The following SH3BGRL2 variants were observed in gnomAD, a reference collection of about 807,000 sequenced individuals.
SH3BGRL2 encodes SH3 domain binding glutamate rich protein like 2, also known as SH3 domain-binding glutamic acid-rich-like protein 2.
In SH3BGRL2, 21 loss-of-function variants were observed where a neutral mutation model predicts 14.8. The observed-to-expected ratio is 1.42, with a 90% CI of 1.01 to 2.05. SH3BGRL2 has a LOEUF of 2.05. Ranked by LOEUF, SH3BGRL2 falls within the 30% of genes most tolerant of loss-of-function variation. The pLI is 0.00. For missense variants in SH3BGRL2, 147 were observed against 130.8 expected (o/e 1.12, Z -0.61); for synonymous variants, 50 against 47.8 (o/e 1.05, Z -0.19).
intron 1 of SH3BGRL2, among the ~76,000 whole-genome samples, chr6:79,659,087 T>C (rs1769485947): frequency 6.6e-6 from 1 of 152,206 alleles, no homozygotes; most frequent in South Asian, 2.1e-4. Context: ...ATTCTATAAG[T>C]TTCCTGTTCA....
At chr6:79,573,795 T>G in the SH3BGRL2 span, 1 of 151,964 alleles carries the variant, frequency 6.6e-6, no homozygotes, top group Non-Finnish European at 1.5e-5. Flanking sequence ...TTGATTTTCA[T>G]ACATTTAAAC....
intron 1 of SH3BGRL2, among the ~76,000 whole-genome samples, chr6:79,635,331 G>A (rs925947408): frequency 1.3e-5 from 2 of 152,334 alleles, no homozygotes; most frequent in Admixed American, 6.5e-5. Flanking sequence ...AGATTAAGTG[G>A]CTTTTCCGGA....
chr6:79,631,030 C>A (rs142453614), upstream of SH3BGRL2, among the ~76,000 whole-genome samples: 1 of 152,214 alleles, frequency 6.6e-6, no homozygotes, highest in African/African-American at 2.4e-5. Context: ...AGAACCCAAG[C>A]TTGGACTTTG....
At chr6:79,586,589 C>T in the SH3BGRL2 span, among the ~76,000 whole-genome samples, 1 of 152,186 alleles carries the variant, frequency 6.6e-6, no homozygotes, top group Non-Finnish European at 1.5e-5. Context: ...ATGATTTCTA[C>T]ATCTACAGTG....
At chr6:79,623,518 T>A in the SH3BGRL2 span, among the ~76,000 whole-genome samples, 4 of 152,196 alleles carry the variant, frequency 2.6e-5, no homozygotes, top group African/African-American at 7.2e-5. Flanking sequence ...CCTTGAAAGC[T>A]GCTATTTAAA....
the SH3BGRL2 span, among the ~76,000 whole-genome samples, chr6:79,541,217 C>T: frequency 6.6e-6 from 1 of 152,076 alleles, no homozygotes; most frequent in Non-Finnish European, 1.5e-5. Flanking sequence ...CACACCACTG[C>T]ACTCCAGCCT....
chr6:79,579,873 A>G, the SH3BGRL2 span, among the ~76,000 whole-genome samples: 1 of 152,182 alleles, frequency 6.6e-6, no homozygotes, highest in Non-Finnish European at 1.5e-5. Flanking sequence ...TAGAGTCAAG[A>G]CTCATCAGTT....
chr6:79,666,536 C>A (rs1187514474), intron 1 of SH3BGRL2, among the ~76,000 whole-genome samples: 1 of 152,012 alleles, frequency 6.6e-6, no homozygotes, highest in Non-Finnish European at 1.5e-5. Context: ...AAAGAATTTG[C>A]CATGAAATTA....
chr6:79,598,401 C>T, the SH3BGRL2 span, among the ~76,000 whole-genome samples: 4 of 152,012 alleles, frequency 2.6e-5, no homozygotes, highest in African/African-American at 4.8e-5. Flanking sequence ...GAGGCATATC[C>T]GTACAATGGA....
chr6:79,560,576 A>G, the SH3BGRL2 span, among the ~76,000 whole-genome samples: 7 of 152,216 alleles, frequency 4.6e-5, no homozygotes, highest in Admixed American at 1.3e-4. Context: ...AGAAGGACCT[A>G]TAAGATTATG....
intron 1 of SH3BGRL2, among the ~76,000 whole-genome samples, chr6:79,667,334 G>T (rs1283447595): frequency 1.3e-5 from 2 of 152,142 alleles, no homozygotes; most frequent in Non-Finnish European, 2.9e-5. Context: ...TGCTGTGATT[G>T]GTCCAAGAGT....
chr6:79,669,660 G>T (rs1769732986), intron 1 of SH3BGRL2, among the ~76,000 whole-genome samples: 1 of 151,920 alleles, frequency 6.6e-6, no homozygotes, highest in Non-Finnish European at 1.5e-5. Context: ...GATCAGGCTG[G>T]TCTCAAACTC....
the SH3BGRL2 span, among the ~76,000 whole-genome samples, chr6:79,584,779 A>C: frequency 2.6e-5 from 4 of 152,142 alleles, no homozygotes; most frequent in Non-Finnish European, 4.4e-5. Flanking sequence ...TGTTGATGAG[A>C]GTGTGGGGAA....
At chr6:79,549,582 G>C in the SH3BGRL2 span, among the ~76,000 whole-genome samples, 17,873 of 152,168 alleles carry the variant, frequency 0.12, 1,929 homozygotes, top group East Asian at 0.59. Flanking sequence ...TGCTGTACAA[G>C]TTGGTAGCCT....
At chr6:79,615,317 G>A in the SH3BGRL2 span, among the ~76,000 whole-genome samples, 57 of 152,308 alleles carry the variant, frequency 3.7e-4, no homozygotes, top group Non-Finnish European at 2.9e-5. Context: ...AGCCTTGACT[G>A]AACTTCCAGG....
At chr6:79,601,418 A>G in the SH3BGRL2 span, among the ~76,000 whole-genome samples, 2 of 151,964 alleles carry the variant, frequency 1.3e-5, no homozygotes, top group Non-Finnish European at 2.9e-5. Flanking sequence ...CTGGTCTCCC[A>G]CTCCTGGGCT....
the SH3BGRL2 span, among the ~76,000 whole-genome samples, chr6:79,591,367 T>G: frequency 6.6e-6 from 1 of 152,198 alleles, no homozygotes; most frequent in Non-Finnish European, 1.5e-5. Context: ...TTTCCTATTC[T>G]TCTACCTTCT....
the SH3BGRL2 span, chr6:79,575,486 T>C: frequency 2.0e-5 from 3 of 152,170 alleles, no homozygotes; most frequent in Non-Finnish European, 2.9e-5. Context: ...TCTCATGTCA[T>C]ATAATGATGC....
the SH3BGRL2 span, among the ~76,000 whole-genome samples, chr6:79,579,945 G>A: frequency 6.6e-6 from 1 of 152,130 alleles, no homozygotes; most frequent in Non-Finnish European, 1.5e-5. Flanking sequence ...ATAAAGGGAT[G>A]GAGGAAGATC....
Sources: gnomAD v4.1 joint callset for allele counts (sites outside exome capture counted in the v4.1 genomes callset) on GRCh38, gnomAD v4.1.1 for gene constraint, MANE v1.5 for transcripts, NCBI Gene and HGNC (gene_info 2026-07-23, HGNC 2026-07-21) for gene names.